The following THBS3 variants were observed in gnomAD, a reference collection of about 807,000 sequenced individuals.
THBS3 encodes the protein thrombospondin-3.
A neutral mutation model predicts 118.3 loss-of-function variants in THBS3; 78 were observed. The observed-to-expected ratio is 0.66, with a 90% CI of 0.55 to 0.80. The LOEUF (loss-of-function observed/expected upper bound fraction) is 0.80, where lower values mean the gene tolerates loss of function less well. Among genes scored for constraint, THBS3 ranks in the 30% least tolerant of loss-of-function variants. THBS3 has a pLI of 0.00. For synonymous variants in THBS3, 427 were observed against 475.3 expected, an observed-to-expected ratio of 0.90 and a Z score of 1.32; for missense variants, 1,057 against 1,247.4, an observed-to-expected ratio of 0.85 and a Z score of 2.30.
chr1:155,200,750 C>G, intron 13 of THBS3, 140 bp from the exon 14 acceptor site: 1 of 1,562,114 alleles, frequency 6.4e-7, no homozygotes, highest in East Asian at 2.2e-5. Context: ...ACCCACCCAG[C>G]CTCCTTGTCC....
At chr1:155,199,443 G>A (rs919048925) in intron 16 of THBS3, among the ~76,000 whole-genome samples, 3 of 143,712 alleles carry the variant, frequency 2.1e-5, no homozygotes, top group Non-Finnish European at 1.5e-5. Context: ...CTAGAGGAAA[G>A]TAAAATATCC....
At position 155,198,065 on chromosome 1, in the gene THBS3, G is replaced by C. The variant is rs965979323; in HGVS notation, c.2230C>G (p.Pro744Ala). The change falls in exon 18 of 23, where the codon CCA becomes GCA. Residue 744 changes from proline to alanine, a missense_variant. By Grantham distance (27) the Pro-to-Ala change is conservative. Around this residue, in one of 3 missense-constraint regions of THBS3, gnomAD observed 307 missense variants for 326.1 expected, o/e 0.94. Transcript: ENST00000368378. ...ACCTGGTTGAGCACAACCCAGTTTG[G>C]GTCAATCTGAGCATCACCCTCAGGA... is the stretch of plus-strand genomic sequence containing the variant. ...LDPEGDAQID[P>A]NWVVLNQGME... is the part of the protein sequence containing the mutation. The C allele has an allele frequency of 4.3e-6, 7 of 1,614,044 alleles. No individual in the cohort carries two copies. The highest frequency in any genetic ancestry group is 3.3e-5 in the Admixed American group (2 of 60,006).
Position 155,206,115 on chromosome 1 carries a change from G to T in THBS3, c.286+85C>A. 1.3e-6 allele frequency: 2 copies of T among 1,506,366 alleles called. No homozygotes were observed. Among genetic ancestry groups the T allele is most frequent in the Non-Finnish European group, 1.8e-6 (2 of 1,098,054 alleles). 93.3% of individuals were successfully genotyped at this position (1,506,366 alleles called of 1,614,324 possible). A position where few individuals can be genotyped will look rare whatever the true frequency, so the allele number is the denominator to read the frequency against. On this transcript the variant is annotated intron_variant, in intron 2 of 22. Coordinates refer to ENST00000368378, the MANE Select transcript of THBS3 (RefSeq NM_007112.5). The surrounding 1 kb of genome is among the most constrained non-coding windows in gnomAD (Gnocchi z 4.2). ...CTTGGTCCCTAGTGGAGGCCAAGGA[G>T]AATGAGGAAGCACTTGGGAAGTAGG...
Position 155,202,407 on chromosome 1 carries a change from G to T in THBS3, c.958-6C>A. ...CAGGGGTCAGCGTGAGCACACTGGGGACCAGATGAGAAGGCAGAGGTCAGG... is the reference window on the plus strand; with the variant it reads ...CAGGGGTCAGCGTGAGCACACTGGGTACCAGATGAGAAGGCAGAGGTCAGG... On this transcript the variant is annotated splice_polypyrimidine_tract_variant and splice_region_variant and intron_variant, in intron 8 of 22. Coordinates refer to ENST00000368378, the MANE Select transcript of THBS3 (RefSeq NM_007112.5). The surrounding 1 kb of genome is among the most constrained non-coding windows in gnomAD (Gnocchi z 5.5). 6.2e-7 allele frequency: 1 copy of T among 1,613,404 alleles called. No individual in the cohort carries two copies. The highest frequency in any genetic ancestry group is 2.2e-5 in the East Asian group (1 of 44,880).
At chr1:155,196,969 G>A (rs1217659143) in intron 21 of THBS3, 72 bp downstream of exon 21, 5 of 1,495,444 alleles carry the variant, frequency 3.3e-6, no homozygotes, top group Non-Finnish European at 4.6e-6. Context: ...AGAGGTCACT[G>A]GTGAATCCCA....
chr1:155,204,774 G>T, intron 4 of THBS3, 81 bp downstream of exon 4: 1 of 1,275,074 alleles, frequency 7.8e-7, no homozygotes, highest in Non-Finnish European at 1.1e-6. Context: ...GGTTTTAAGG[G>T]AGAGGGAGAT....
rs746772876 is a variant in THBS3 at position 155,197,555 on chromosome 1, G to T, written c.2407C>A (p.Arg803Ser). The change falls in exon 20 of 23, where the codon CGC becomes AGC. Residue 803 changes from arginine (R) to serine (S), a missense_variant. By Grantham distance (110) the Arg-to-Ser change is moderately radical. Coordinates refer to ENST00000368378, the MANE Select transcript of THBS3 (RefSeq NM_007112.5). This position sits in a 1 kb window ranked among gnomAD's most constrained non-coding sequence, Gnocchi z 5.0. The stretch of plus-strand genomic sequence containing the variant: ...TGCTTCCACATGACTACGTAGAAGC[G>T]GCCACTGTCTTGATAACTGAAGAGA... ...GFLFSYQDSG[R>S]FYVVMWKQTE... The T allele has an allele frequency of 6.2e-7, 1 of 1,614,006 alleles. No individual in the cohort carries two copies. The highest frequency in any genetic ancestry group is 2.2e-5 in the East Asian group (1 of 44,858).
In THBS3 at chr1:155,197,868, T is replaced by C; in HGVS notation, c.2302+12A>G. On this transcript the variant is annotated intron_variant, in intron 19 of 22. Transcript: ENST00000368378. This position sits in a 1 kb window ranked among gnomAD's most constrained non-coding sequence, Gnocchi z 5.0. ...CATTTGGAAGTGATTGAACTGCATATCCCTTACATACCAACTGCCAAGCCA... is the reference window on the plus strand; with the variant it reads ...CATTTGGAAGTGATTGAACTGCATACCCCTTACATACCAACTGCCAAGCCA... The C allele has an allele frequency of 6.2e-7, 1 of 1,614,002 alleles. No homozygotes were observed. The highest frequency in any genetic ancestry group is 8.5e-7 in the Non-Finnish European group (1 of 1,179,980).
In THBS3 at chr1:155,201,163, A is replaced by G. The variant is rs1669656909; in HGVS notation, c.1371T>C (p.Thr457=). 1.9e-6 allele frequency: 3 copies of G among 1,614,154 alleles called. No homozygotes were observed. Among genetic ancestry groups the G allele is most frequent in the East Asian group, 4.5e-5 (2 of 44,890 alleles). Residue 457 remains threonine, a synonymous_variant, in exon 12 of 23, where the codon ACT becomes ACC. Coordinates refer to ENST00000368378, the MANE Select transcript of THBS3 (RefSeq NM_007112.5). ...GWAGNGNVCG[T]DTDIDGYPDQ... ...CTGGGTAGCCATCGATGTCTGTGTC[A>G]GTCCCACACACGTTCCCATTCCCAG...
chr1:155,205,519 T>A, intron 2 of THBS3: 1 of 691,530 alleles, frequency 1.4e-6, no homozygotes, highest in Non-Finnish European at 2.3e-6. Flanking sequence ...GGCTCACACC[T>A]GTAATCCCAG....
intron 6 of THBS3, 33 bp from the exon 7 acceptor site, chr1:155,203,170 C>T (rs1327791920): frequency 6.2e-7 from 1 of 1,614,242 alleles, no homozygotes; most frequent in South Asian, 1.1e-5. Flanking sequence ...CAGCACTTGA[C>T]ATCTGCCACC....
Position 155,202,326 on chromosome 1 carries a change from G to T in THBS3, c.1033C>A (p.Pro345Thr), listed in dbSNP as rs1669884625. Residue 345 changes from proline (P) to threonine (T), a missense_variant, in exon 9 of 23, where the codon CCT becomes ACT. Pro to Thr is a conservative substitution (Grantham distance 38). Transcript: ENST00000368378. The surrounding 1 kb of genome is among the most constrained non-coding windows in gnomAD (Gnocchi z 5.5). ...TMPGFHCEACPRGYKGTQVSG... is the reference protein window; with the variant it reads ...TMPGFHCEACTRGYKGTQVSG... ...ACCTGTGTGCCCTTGTACCCTCGAG[G>T]ACAGGCCTCACAGTGGAAGCCGGGC... The T allele has an allele frequency of 6.2e-7, 1 of 1,614,096 alleles. No homozygotes were observed. The highest frequency in any genetic ancestry group is 8.5e-7 in the Non-Finnish European group (1 of 1,180,028).
At chr1:155,198,277 A>C (rs1388837137) in intron 17 of THBS3, 57 bp from the exon 18 acceptor site, 3 of 1,602,704 alleles carry the variant, frequency 1.9e-6, no homozygotes, top group Non-Finnish European at 2.6e-6. Flanking sequence ...ATTAGGCAAC[A>C]ATACCATCTG....
chr1:155,199,804 C>G lies in THBS3; in HGVS notation c.1880G>C (p.Ser627Thr). The G allele has an allele frequency of 6.2e-7, 1 of 1,614,144 alleles. No homozygotes were observed. Among genetic ancestry groups the G allele is most frequent in the Non-Finnish European group, 8.5e-7 (1 of 1,179,990 alleles). ...VGDVCDTNED[S>T]DGDGHQDTKD... is the part of the protein sequence containing the mutation. ...TTGCGTCTCTTGACCAAGACCTTAC[C>G]TGTCTTCATTAGTATCACAGACATC... The change falls in exon 16 of 23, where the codon AGC becomes ACC. Residue 627 changes from serine (S) to threonine (T), a missense_variant and splice_region_variant. Physicochemically the swap from Ser to Thr is moderately conservative, Grantham distance 58 (BLOSUM62 1). This residue lies in a region of THBS3 where 544 missense variants were observed against 715.6 expected (regional missense o/e 0.76). Transcript: ENST00000368378.
At position 155,198,394 on chromosome 1, in the gene THBS3, G is replaced by C. The variant is rs760217033; in HGVS notation, c.2074+15C>G. The stretch of plus-strand genomic sequence containing the variant: ...GGCAACACCAGTCTAACGTGCTCTG[G>C]GTCCGCAGGCTTACCATCTGAGTCC... On this transcript the variant is annotated intron_variant, in intron 17 of 22. Transcript: ENST00000368378. 6.2e-7 allele frequency: 1 copy of C among 1,611,052 alleles called. No individual in the cohort carries two copies. The highest frequency in any genetic ancestry group is 1.1e-5 in the South Asian group (1 of 90,850).
At position 155,200,027 on chromosome 1, in the gene THBS3, C is replaced by G; in HGVS notation, c.1795G>C (p.Asp599His). ...RDEDGVGDACDSCPEMSNPTQ... is the reference protein window; with the variant it reads ...RDEDGVGDACHSCPEMSNPTQ... ...GGATTGCTCATTTCAGGGCAGCTGT[C>G]GCAAGCATCTCCCACCCCGTCCTCA... The change falls in exon 15 of 23, where the codon GAC becomes CAC. Residue 599 changes from aspartate (D) to histidine (H), a missense_variant. Asp to His is a moderately conservative substitution (Grantham distance 81). Transcript: ENST00000368378. 6.2e-7 allele frequency: 1 copy of G among 1,602,202 alleles called. No homozygotes were observed. The highest frequency in any genetic ancestry group is 8.5e-7 in the Non-Finnish European group (1 of 1,173,216).
intron 21 of THBS3, among the ~76,000 whole-genome samples, chr1:155,196,627 G>A (rs1308164142): frequency 6.6e-6 from 1 of 152,224 alleles, no homozygotes; most frequent in Non-Finnish European, 1.5e-5. Context: ...CAAAGTTGTG[G>A]ACAAAGTGTT....
chr1:155,201,734 C>A, intron 10 of THBS3, 165 bp from the exon 11 acceptor site: 1 of 988,854 alleles, frequency 1.0e-6, no homozygotes, highest in East Asian at 2.6e-5. Context: ...ATAACAGCCT[C>A]AGTTTTCAGA....
In THBS3 at chr1:155,202,031, A is replaced by T. The variant is rs1179067725; in HGVS notation, c.1102T>A (p.Cys368Ser). ...TCGTTGCATTCATCGATGTCATTGCAGACCTGAAGGGGCAGACTTTGGGTG... is the reference window on the plus strand; with the variant it reads ...TCGTTGCATTCATCGATGTCATTGCTGACCTGAAGGGGCAGACTTTGGGTG... The part of the protein sequence containing the change: ...IDYARASKQV[C>S]NDIDECNDGN... The change falls in exon 10 of 23, where the codon TGC becomes AGC. Residue 368 changes from cysteine to serine, a missense_variant. This residue lies in a region of THBS3 where 544 missense variants were observed against 715.6 expected (regional missense o/e 0.76). Coordinates refer to ENST00000368378, the MANE Select transcript of THBS3 (RefSeq NM_007112.5). This position sits in a 1 kb window ranked among gnomAD's most constrained non-coding sequence, Gnocchi z 5.5. 16 of 1,614,034 alleles carry T rather than the reference A, an allele frequency of 9.9e-6. No homozygotes were observed. The highest frequency in any genetic ancestry group is 1.4e-5 in the Non-Finnish European group (16 of 1,180,030).
Sources: gnomAD v4.1 joint callset for allele counts (sites outside exome capture counted in the v4.1 genomes callset) on GRCh38, gnomAD v4.1.1 for gene constraint, gnomAD v4.1.1 regional missense constraint, Gnocchi (gnomAD v3.1) non-coding constraint, MANE v1.5 for transcripts, NCBI Gene and HGNC (gene_info 2026-07-23, HGNC 2026-07-21) for gene names.